The following TMEM255B variants were observed in gnomAD, a reference collection of about 807,000 sequenced individuals.
TMEM255B encodes family with sequence similarity 70, member B.
A neutral mutation model predicts 34.5 loss-of-function variants in TMEM255B; 35 were observed. The ratio of observed to expected loss-of-function variants is 1.01; its 90% CI spans 0.77 to 1.34. The LOEUF (loss-of-function observed/expected upper bound fraction) is 1.34. TMEM255B is among the 40% of genes most tolerant of loss of function. TMEM255B has a pLI of 0.00. For synonymous variants in TMEM255B, 206 were observed against 201.2 expected, an observed-to-expected ratio of 1.02 and a Z score of -0.20; for missense variants, 432 against 433.2, an observed-to-expected ratio of 1.00 and a Z score of 0.02.
intron 8 of TMEM255B, among the ~76,000 whole-genome samples, chr13:113,805,702 C>T (rs943416211): frequency 1.3e-5 from 2 of 152,222 alleles, no homozygotes; most frequent in Admixed American, 6.5e-5. Context: ...GCTGGTGGGC[C>T]CTGGCCTCTG....
At chr13:113,797,677 G>A (rs2050966523) in intron 4 of TMEM255B, among the ~76,000 whole-genome samples, 1 of 152,242 alleles carries the variant, frequency 6.6e-6, no homozygotes, top group Non-Finnish European at 1.5e-5. Context: ...TACTTCACCA[G>A]TGGGGGCCCA....
rs2051369886 is a variant in TMEM255B at position 113,813,598 on chromosome 13, G to T, written c.*1695G>T. 1.3e-5 allele frequency: 2 copies of T among 149,850 alleles called. No homozygotes were observed. The highest frequency in any genetic ancestry group is 1.3e-4 in the Admixed American group (2 of 15,226). The allele number at this position is 149,850 out of a possible 1,614,324, so 9.3% of individuals were successfully genotyped here. A position where few individuals can be genotyped will look rare whatever the true frequency, so the allele number is the denominator to read the frequency against. On this transcript the variant is annotated 3_prime_UTR_variant, in exon 9 of 9. Coordinates refer to ENST00000375353, the MANE Select transcript of TMEM255B (RefSeq NM_182614.4). ...CAGCCTCTGCCCCCTCCGCTGCCCG[G>T]GAGCCTCCCTCTGCCCGACGGAGGG...
chr13:113,776,950 G>A (rs923931760), intron 3 of TMEM255B, among the ~76,000 whole-genome samples: 2 of 152,114 alleles, frequency 1.3e-5, no homozygotes, highest in African/African-American at 4.8e-5. Context: ...GTAGAGCTTC[G>A]CCTAGGGTCA....
rs2051402482 is a variant in TMEM255B at position 113,816,315 on chromosome 13, A to ATGGTTT, written c.*4412_*4413insTGGTTT. ...AGAGGTGCAGTCACTGGTCAGGGAC[A>ATGGTTT]CGAGTTCTTGTGGGAAGAGGAGTGT... On this transcript the variant is annotated 3_prime_UTR_variant, in exon 9 of 9. Coordinates refer to ENST00000375353, the MANE Select transcript of TMEM255B (RefSeq NM_182614.4). 1.8e-5 allele frequency: 3 copies of ATGGTTT among 171,050 alleles called. No individual in the cohort carries two copies. The highest frequency in any genetic ancestry group is 7.2e-5 in the African/African-American group (3 of 41,536). 10.6% of individuals were successfully genotyped at this position (171,050 alleles called of 1,614,324 possible).
intron 3 of TMEM255B, among the ~76,000 whole-genome samples, chr13:113,779,811 T>C (rs758137993): frequency 6.6e-6 from 1 of 152,188 alleles, no homozygotes; most frequent in Non-Finnish European, 1.5e-5. Flanking sequence ...TAGAAAATAA[T>C]AACAATTGAA....
chr13:113,777,845 C>T (rs920114805), intron 3 of TMEM255B, among the ~76,000 whole-genome samples: 8 of 152,220 alleles, frequency 5.3e-5, no homozygotes, highest in East Asian at 1.9e-4. Context: ...CTCTGCCTCC[C>T]CCTGAGTGCC....
chr13:113,800,875 A>C lies in TMEM255B; in HGVS notation c.472A>C (p.Asn158His), dbSNP rs774585714. 6 of 1,610,796 alleles carry C rather than the reference A, an allele frequency of 3.7e-6. No homozygotes were observed. In the African/African-American group the frequency reaches 6.7e-5, roughly 18 times the overall value. The change falls in exon 6 of 9, where the codon AAC becomes CAC. Residue 158 changes from asparagine (N) to histidine (H), a missense_variant. Asn to His is a moderately conservative substitution (Grantham distance 68, BLOSUM62 1). Coordinates refer to ENST00000375353, the MANE Select transcript of TMEM255B (RefSeq NM_182614.4). ...CAAGTGCCAGCTGAAGGTGAGAAGC[A>C]ACACCTGTTACTGCTGTGACCTCTA... is the stretch of plus-strand genomic sequence containing the variant. ...DGKCQLKVRS[N>H]TCYCCDLYAC...
At chr13:113,795,614 C>T (rs534568741) in intron 4 of TMEM255B, among the ~76,000 whole-genome samples, 115 of 145,980 alleles carry the variant, frequency 7.9e-4, no homozygotes, top group African/African-American at 2.6e-3. Flanking sequence ...ACACAGCACA[C>T]ACCACACACC....
chr13:113,759,860 G>T (rs1262879521), intron 1 of TMEM255B, among the ~76,000 whole-genome samples: 3 of 152,138 alleles, frequency 2.0e-5, no homozygotes, highest in African/African-American at 7.2e-5. Context: ...TGTGTTCACG[G>T]AATCTCCAAT....
In TMEM255B at chr13:113,814,349, C is replaced by T. The variant is rs374853065; in HGVS notation, c.*2446C>T. 6.6e-6 allele frequency: 1 copy of T among 152,270 alleles called. No individual in the cohort carries two copies. The highest frequency in any genetic ancestry group is 2.4e-5 in the African/African-American group (1 of 41,458). The allele number at this position is 152,270 out of a possible 1,614,324, so 9.4% of individuals were successfully genotyped here. A position where few individuals can be genotyped will look rare whatever the true frequency, so the allele number is the denominator to read the frequency against. On this transcript the variant is annotated 3_prime_UTR_variant, in exon 9 of 9. Transcript: ENST00000375353. Reference sequence around the variant, plus strand: ...CGGTGTGGGGGCATCAGAGTGCTTCCCCGAGGCTGCACTCACCAGCTTCCC... The same window carrying T: ...CGGTGTGGGGGCATCAGAGTGCTTCTCCGAGGCTGCACTCACCAGCTTCCC...
At chr13:113,800,082 A>ATG (rs1268390962) in intron 5 of TMEM255B, 191 of 1,045,472 alleles carry the variant, frequency 1.8e-4, no homozygotes, top group African/African-American at 1.4e-3. Context: ...GTGTGTGTTT[A>ATG]TGTGTGTGTG....
chr13:113,772,385 G>A (rs2050492878), intron 3 of TMEM255B, among the ~76,000 whole-genome samples: 1 of 152,046 alleles, frequency 6.6e-6, no homozygotes, highest in African/African-American at 2.4e-5. Flanking sequence ...CATGCTTTTG[G>A]TGTCATATCT....
intron 3 of TMEM255B, among the ~76,000 whole-genome samples, chr13:113,789,053 C>A (rs1417263616): frequency 6.6e-6 from 1 of 152,120 alleles, no homozygotes; most frequent in East Asian, 1.9e-4. Flanking sequence ...TGTCCCAGAC[C>A]ACAGAGACCC....
chr13:113,768,312 C>T (rs1403871479), intron 2 of TMEM255B: 2 of 452,444 alleles, frequency 4.4e-6, no homozygotes, highest in Non-Finnish European at 9.4e-6. Flanking sequence ...TTTAAAAATT[C>T]CTCTGCCAGG....
At chr13:113,787,092 A>C (rs1323931760) in intron 3 of TMEM255B, among the ~76,000 whole-genome samples, 1 of 152,172 alleles carries the variant, frequency 6.6e-6, no homozygotes, top group Non-Finnish European at 1.5e-5. Context: ...ACATGTGAAA[A>C]TATGTCATAA....
chr13:113,781,193 G>C (rs1267414704), intron 3 of TMEM255B, among the ~76,000 whole-genome samples: 1 of 152,094 alleles, frequency 6.6e-6, no homozygotes, highest in Non-Finnish European at 1.5e-5. Flanking sequence ...TACAATTTTT[G>C]TTAAAGAGCA....
intron 2 of TMEM255B, 136 bp downstream of exon 2, chr13:113,766,393 G>T (rs1452734970): frequency 1.6e-6 from 2 of 1,277,614 alleles, no homozygotes; most frequent in Middle Eastern, 1.8e-4. Context: ...GGTCGGCAGG[G>T]TTATGGCCCC....
chr13:113,807,080 G>A lies in TMEM255B; in HGVS notation c.813+2052G>A, dbSNP rs139466612. 5.0e-3 allele frequency among the ~76,000 whole-genome samples: 763 copies of A among 152,300 alleles called. 2 individuals carry two copies. The highest frequency in any genetic ancestry group is 0.017 in the African/African-American group (714 of 41,568). ...TCTGGCTCCAGGGCTGGTTTGGGCC[G>A]CCCTGGTGCTGGGGCCCGGCTGTCT... is the stretch of plus-strand genomic sequence containing the variant. On this transcript the variant is annotated intron_variant, in intron 8 of 8. Coordinates refer to ENST00000375353, the MANE Select transcript of TMEM255B (RefSeq NM_182614.4).
At chr13:113,780,498 G>T (rs971821335) in intron 3 of TMEM255B, among the ~76,000 whole-genome samples, 1 of 152,186 alleles carries the variant, frequency 6.6e-6, no homozygotes, top group African/African-American at 2.4e-5. Context: ...TCAATAGCTC[G>T]CAAGACGTTT....
Sources: allele counts gnomAD v4.1 joint callset (sites outside exome capture counted in the v4.1 genomes callset), GRCh38; gene constraint gnomAD v4.1.1; transcripts MANE v1.5; gene names NCBI Gene and HGNC (gene_info 2026-07-23, HGNC 2026-07-21).